CCNY: variants seen among roughly 807,000 people sequenced by gnomAD.
CCNY encodes cyclin-Y.
CCNY carries 19 observed loss-of-function variants against 42.8 expected under a neutral mutation model. That is an observed-to-expected ratio of 0.44 (90% confidence interval 0.31 to 0.65). The LOEUF is 0.65. Ranked by LOEUF, CCNY falls within the 30% of genes least tolerant of loss-of-function variation. CCNY has a pLI of 0.07. For missense variants in CCNY, 370 were observed against 437.3 expected (o/e 0.85, Z 1.37); for synonymous variants, 165 against 162.7 (o/e 1.01, Z -0.11).
At chr10:35,525,871 T>A in intron 4 of CCNY, 93 bp from the exon 5 acceptor site, 1 of 1,084,612 alleles carries the variant, frequency 9.2e-7, no homozygotes, top group South Asian at 1.5e-5. Flanking sequence ...CTTTTACTTC[T>A]GTTTAAATAT....
At chr10:35,378,168 T>G (rs1017316234) in intron 1 of CCNY, among the ~76,000 whole-genome samples, 9 of 152,270 alleles carry the variant, frequency 5.9e-5, no homozygotes, top group African/African-American at 2.2e-4. Context: ...GTCATCATGC[T>G]TTGTCATTTG....
intron 1 of CCNY, among the ~76,000 whole-genome samples, chr10:35,405,311 T>C (rs1412480052): frequency 6.6e-6 from 1 of 151,940 alleles, no homozygotes; most frequent in Non-Finnish European, 1.5e-5. Context: ...TGGTAAAGGG[T>C]GCATCATTTG....
chr10:35,430,086 C>G (rs1838352251), intron 1 of CCNY, among the ~76,000 whole-genome samples: 1 of 151,858 alleles, frequency 6.6e-6, no homozygotes, highest in African/African-American at 2.4e-5. Flanking sequence ...GCCTGTAATC[C>G]CAGCACTTTG....
intron 7 of CCNY, among the ~76,000 whole-genome samples, chr10:35,538,994 T>C (rs1487816024): frequency 1.3e-5 from 2 of 152,238 alleles, no homozygotes; most frequent in African/African-American, 4.8e-5. Flanking sequence ...TGCATTTGGA[T>C]ATCCAGTTGT....
At chr10:35,332,761 C>T (rs574759388), upstream of CCNY, among the ~76,000 whole-genome samples, 6 of 152,122 alleles carry the variant, frequency 3.9e-5, no homozygotes, top group East Asian at 1.9e-4. Context: ...CCCACCACCA[C>T]GCCTGGCTAA....
At chr10:35,277,718 T>C (rs893979151) in intron 3 of CCNY, among the ~76,000 whole-genome samples, 3 of 150,548 alleles carry the variant, frequency 2.0e-5, no homozygotes, top group Non-Finnish European at 3.0e-5. Context: ...TATGCCCATG[T>C]AAATTCTTTT....
intron 3 of CCNY, among the ~76,000 whole-genome samples, chr10:35,297,820 A>G (rs1471606968): frequency 6.6e-6 from 1 of 152,210 alleles, no homozygotes. Flanking sequence ...ATTACAAAAC[A>G]CTGCTCAAGG....
intron 7 of CCNY, among the ~76,000 whole-genome samples, chr10:35,535,083 G>C (rs1293735976): frequency 6.6e-6 from 1 of 150,684 alleles, no homozygotes; most frequent in African/African-American, 2.4e-5. Context: ...CTGTTGGAGT[G>C]AACAAAGGAG....
chr10:35,298,019 A>G (rs1835491518), intron 3 of CCNY, among the ~76,000 whole-genome samples: 1 of 152,016 alleles, frequency 6.6e-6, no homozygotes, highest in African/African-American at 2.4e-5. Context: ...AAAAAAAAAA[A>G]GAGCCTGAAT....
chr10:35,330,014 T>C (rs1189999470), intron 3 of CCNY, among the ~76,000 whole-genome samples: 1 of 152,226 alleles, frequency 6.6e-6, no homozygotes, highest in African/African-American at 2.4e-5. Flanking sequence ...AGTACGTTAA[T>C]ACAACTCATC....
intron 1 of CCNY, among the ~76,000 whole-genome samples, chr10:35,429,871 A>G (rs1169309605): frequency 6.6e-6 from 1 of 152,210 alleles, no homozygotes; most frequent in Non-Finnish European, 1.5e-5. Flanking sequence ...ATAATCCTTG[A>G]TTATTCAGCC....
intron 3 of CCNY, among the ~76,000 whole-genome samples, chr10:35,271,341 C>T (rs1279084415): frequency 6.6e-6 from 1 of 152,146 alleles, no homozygotes; most frequent in African/African-American, 2.4e-5. Context: ...GTGGAGAAGC[C>T]TGAGAGTTAA....
upstream of CCNY, among the ~76,000 whole-genome samples, chr10:35,333,317 T>C (rs1164217854): frequency 6.6e-6 from 1 of 152,194 alleles, no homozygotes; most frequent in Non-Finnish European, 1.5e-5. Flanking sequence ...TGTGGCTAGA[T>C]ACACAGGTTA....
intron 7 of CCNY, among the ~76,000 whole-genome samples, chr10:35,550,420 G>A (rs571513771): frequency 1.3e-4 from 20 of 152,136 alleles, no homozygotes; most frequent in African/African-American, 4.1e-4. Context: ...TAATCTGCCC[G>A]GAGTTTTGCT....
At chr10:35,392,585 A>G (rs1041713047) in intron 1 of CCNY, among the ~76,000 whole-genome samples, 4 of 152,222 alleles carry the variant, frequency 2.6e-5, no homozygotes, top group Admixed American at 2.6e-4. Flanking sequence ...GCCAGATGGC[A>G]CTGAGAACAT....
In CCNY at chr10:35,290,638, T is replaced by G. The variant is rs990256629; in HGVS notation, c.-9+40012T>G. 4.6e-5 allele frequency among the ~76,000 whole-genome samples: 7 copies of G among 152,176 alleles called. No individual in the cohort carries two copies. The South Asian group carries it at 8.3e-4, about 18-fold the overall frequency. The stretch of plus-strand genomic sequence containing the variant: ...ATGGTTTTTAGTATGTTTTCAGAGT[T>G]GTCCCACCATCATCACATACAATTT... On this transcript the variant is annotated intron_variant, in intron 3 of 11. Coordinates refer to the CCNY transcript ENST00000374706.
At chr10:35,407,813 G>A (rs1837813831) in intron 1 of CCNY, among the ~76,000 whole-genome samples, 1 of 152,076 alleles carries the variant, frequency 6.6e-6, no homozygotes, top group South Asian at 2.1e-4. Context: ...AGCCAAAGCA[G>A]GCGTCTCCGC....
rs1292216652 is a variant in CCNY at position 35,361,097 on chromosome 10, T to TC, written c.154+23896dup. Among the ~76,000 whole-genome samples the TC allele has an allele frequency of 7.2e-5, 11 of 152,110 alleles. No individual in the cohort carries two copies. The East Asian group carries it at 2.1e-3, about 29-fold the overall frequency. On this transcript the variant is annotated intron_variant, in intron 1 of 9. Coordinates refer to ENST00000374704, the MANE Select transcript of CCNY (RefSeq NM_145012.6). ...TGGTCTCGAACTCCTGGCCTTGTGA[T>TC]CCCCCCGCCTCGGCCTCCCAAAGTG...
chr10:35,250,206 A>G lies in CCNY; in HGVS notation c.-113-316A>G, dbSNP rs546275335. On this transcript the variant is annotated intron_variant, in intron 2 of 11. Coordinates refer to the CCNY transcript ENST00000374706. ...GAGACTCCATCTCAAAAAAAAAAAA[A>G]AAAAAAGAAGTAGTCGGATGTGGTG... Among the ~76,000 whole-genome samples, 113 of 151,256 alleles carry G rather than the reference A, an allele frequency of 7.5e-4. 1 individual carries two copies. Among genetic ancestry groups the G allele is most frequent in the African/African-American group, 2.7e-3 (111 of 41,240 alleles).
Sources: gnomAD v4.1 joint callset for allele counts (sites outside exome capture counted in the v4.1 genomes callset) on GRCh38, gnomAD v4.1.1 for gene constraint, MANE v1.5 for transcripts, NCBI Gene and HGNC (gene_info 2026-07-23, HGNC 2026-07-21) for gene names.